TRERF1: variants seen among roughly 807,000 people sequenced by gnomAD.
The protein encoded by TRERF1 is transcriptional-regulating factor 1.
TRERF1 carries 27 observed loss-of-function variants against 122.9 expected under a neutral mutation model. The observed-to-expected ratio is 0.22, with a 90% CI of 0.16 to 0.30. TRERF1 has a LOEUF of 0.30. TRERF1 is among the 10% of genes least tolerant of loss of function. The probability of loss-of-function intolerance (pLI) is 1.00; values close to 1 mark genes in which losing one functional copy is unlikely to be tolerated. For missense variants in TRERF1, 1,248 were observed against 1,560.3 expected (o/e 0.80, Z 3.37); for synonymous variants, 636 against 641.7 (o/e 0.99, Z 0.13).
At chr6:42,225,710 TC>T (rs1769419178) in exon 18 of TRERF1, 2 of 152,216 alleles carry the variant, frequency 1.3e-5, no homozygotes, top group African/African-American at 4.8e-5. Flanking sequence ...AAAAATGTTT[TC>T]CTTTTTATTA....
chr6:42,334,887 C>T lies in TRERF1; in HGVS notation c.-371+28110G>A, dbSNP rs78691106. On this transcript the variant is annotated intron_variant, in intron 3 of 17. Transcript: ENST00000372922. ...ACAGGAATCAGCACTGGGGTTCCAG[C>T]CTGATGGTCCCTCCTGGCTCACTGA... Among the ~76,000 whole-genome samples the T allele has an allele frequency of 2.6e-5, 4 of 152,326 alleles. No individual in the cohort carries two copies. In the East Asian group the frequency reaches 7.7e-4, roughly 29 times the overall value.
intron 2 of TRERF1, among the ~76,000 whole-genome samples, chr6:42,401,400 T>C (rs1779371730): frequency 6.6e-6 from 1 of 152,198 alleles, no homozygotes. Flanking sequence ...GCTGTAGGCC[T>C]ACACCAGGTA....
intron 2 of TRERF1, among the ~76,000 whole-genome samples, chr6:42,411,877 T>C (rs1395412932): frequency 6.6e-6 from 1 of 152,126 alleles, no homozygotes; most frequent in African/African-American, 2.4e-5. Context: ...TGGCCTTTGG[T>C]TTTCTTATCT....
chr6:42,375,657 C>T (rs1774706359), intron 2 of TRERF1, among the ~76,000 whole-genome samples: 1 of 152,192 alleles, frequency 6.6e-6, no homozygotes. Context: ...GAAGGCTACA[C>T]ACTGACTGAC....
At chr6:42,294,402 G>A (rs1051038688) in intron 4 of TRERF1, among the ~76,000 whole-genome samples, 4 of 151,550 alleles carry the variant, frequency 2.6e-5, no homozygotes, top group African/African-American at 7.3e-5. Context: ...GGCTGGTCTC[G>A]AACTCCCGGT....
intron 2 of TRERF1, among the ~76,000 whole-genome samples, chr6:42,444,741 C>T (rs1787160917): frequency 6.6e-6 from 1 of 152,110 alleles, no homozygotes; most frequent in African/African-American, 2.4e-5. Flanking sequence ...TTCCCATCAG[C>T]ACACAAATTA....
chr6:42,353,552 C>G (rs1024414339), intron 3 of TRERF1, among the ~76,000 whole-genome samples: 1 of 151,938 alleles, frequency 6.6e-6, no homozygotes, highest in Non-Finnish European at 1.5e-5. Flanking sequence ...CGCGCCATTG[C>G]ACTCTAGCCT....
chr6:42,341,828 T>C (rs558646575), intron 3 of TRERF1, among the ~76,000 whole-genome samples: 2 of 152,344 alleles, frequency 1.3e-5, no homozygotes, highest in East Asian at 3.9e-4. Flanking sequence ...TCATGTTGGA[T>C]GTGATGGGGT....
At chr6:42,395,129 T>G (rs565099541) in intron 2 of TRERF1, among the ~76,000 whole-genome samples, 1 of 152,104 alleles carries the variant, frequency 6.6e-6, no homozygotes, top group South Asian at 2.1e-4. Flanking sequence ...TTGCAAAGAG[T>G]TGGTTCCGTG....
chr6:42,450,712 G>T (rs1225686198), intron 2 of TRERF1, among the ~76,000 whole-genome samples: 1 of 152,152 alleles, frequency 6.6e-6, no homozygotes, highest in Non-Finnish European at 1.5e-5. Context: ...TGAAGTTGGG[G>T]AGTGAAGGAA....
At position 42,268,705 on chromosome 6, in the gene TRERF1, G is replaced by T; in HGVS notation, c.886C>A (p.Arg296Ser). 6.2e-7 allele frequency: 1 copy of T among 1,614,170 alleles called. No individual in the cohort carries two copies. The highest frequency in any genetic ancestry group is 1.7e-5 in the Admixed American group (1 of 60,022). ...GGCGGCGGCTGTGGCTGTGATGGGCGAATTTGTTGCGGCTGCGTCTGTATT... is the reference window on the plus strand; with the variant it reads ...GGCGGCGGCTGTGGCTGTGATGGGCTAATTTGTTGCGGCTGCGTCTGTATT... The change falls in exon 5 of 18, where the codon CGC becomes AGC. Residue 296 changes from arginine to serine, a missense_variant. Physicochemically the swap from Arg to Ser is moderately radical, Grantham distance 110. Coordinates refer to ENST00000372922, the Ensembl canonical transcript of TRERF1. This position sits in a 1 kb window ranked among gnomAD's most constrained non-coding sequence, Gnocchi z 4.4.
rs370849374 is a variant in TRERF1, at chr6:42,265,868, G to A, written c.1438-71C>T. The stretch of plus-strand genomic sequence containing the variant: ...ACGTGTTCTGAAGGGAGAAGTCCTC[G>A]AGCAGTGGGAACACCAGGTACTCTT... On this transcript the variant is annotated intron_variant, in intron 5 of 17. Coordinates refer to ENST00000372922, the Ensembl canonical transcript of TRERF1. 20 of 1,506,468 alleles carry A rather than the reference G, an allele frequency of 1.3e-5. 1 individual carries two copies. The highest frequency in any genetic ancestry group is 1.8e-4 in the Middle Eastern group (1 of 5,592). The allele number at this position is 1,506,468 out of a possible 1,614,324, so 93.3% of individuals were successfully genotyped here.
At chr6:42,420,104 A>G (rs1262098408) in intron 2 of TRERF1, among the ~76,000 whole-genome samples, 1 of 152,118 alleles carries the variant, frequency 6.6e-6, no homozygotes, top group African/African-American at 2.4e-5. Flanking sequence ...GATTTAACCT[A>G]CCTAGGAGCT....
chr6:42,302,318 A>G (rs980637564), intron 3 of TRERF1, among the ~76,000 whole-genome samples: 3 of 152,290 alleles, frequency 2.0e-5, no homozygotes, highest in Non-Finnish European at 4.4e-5. Context: ...CTATTTCCTT[A>G]ATACTTGAGG....
intron 5 of TRERF1, among the ~76,000 whole-genome samples, 183 bp downstream of exon 5, chr6:42,267,971 G>A (rs1582693736): frequency 6.6e-6 from 1 of 152,244 alleles, no homozygotes; most frequent in Non-Finnish European, 1.5e-5. Flanking sequence ...GGACTTAATA[G>A]AGATTGATTT....
intron 2 of TRERF1, among the ~76,000 whole-genome samples, chr6:42,394,419 T>C (rs1287516542): frequency 6.6e-6 from 1 of 152,218 alleles, no homozygotes; most frequent in Non-Finnish European, 1.5e-5. Context: ...GCACCCTCCA[T>C]GTGCTGTGCA....
chr6:42,263,526 G>C lies in TRERF1; in HGVS notation c.1678C>G (p.Leu560Val), dbSNP rs561414462. 1 of 1,565,486 alleles carries C rather than the reference G, an allele frequency of 6.4e-7. No homozygotes were observed. Residue 560 changes from leucine (L) to valine (V), a missense_variant, in exon 8 of 18, where the codon CTG (leucine) becomes GTG (valine). Physicochemically the swap from Leu to Val is conservative, Grantham distance 32 (BLOSUM62 1). Transcript: ENST00000372922. The surrounding 1 kb of genome is among the most constrained non-coding windows in gnomAD (Gnocchi z 5.6). ...GGCGGAGGCGGAGGCGGAGGCGGCA[G>C]TGGTGGCTGGGGCTGAGGCGGCAGG...
At position 42,286,395 on chromosome 6, in the gene TRERF1, G is replaced by A. The variant is rs1008070540; in HGVS notation, c.-259+14243C>T. On this transcript the variant is annotated intron_variant, in intron 4 of 17. Coordinates refer to ENST00000372922, the Ensembl canonical transcript of TRERF1. Reference sequence around the variant, plus strand: ...GAAAATTCTTGCAACCTACTCATCTGACAAAGGGCTAATATCCAGAATCTA... The same window carrying A: ...GAAAATTCTTGCAACCTACTCATCTAACAAAGGGCTAATATCCAGAATCTA... Among the ~76,000 whole-genome samples the A allele has an allele frequency of 1.3e-4, 18 of 140,682 alleles. 1 individual carries two copies. The highest frequency in any genetic ancestry group is 4.1e-4 in the African/African-American group (15 of 37,018). 92.3% of individuals were successfully genotyped at this position (140,682 alleles called of 152,430 possible). A position where few individuals can be genotyped will look rare whatever the true frequency, so the allele number is the denominator to read the frequency against.
rs370914971 is a variant in TRERF1, at chr6:42,252,529, T to C, written c.2656+2322A>G. On this transcript the variant is annotated intron_variant, in intron 13 of 17. Coordinates refer to ENST00000372922, the Ensembl canonical transcript of TRERF1. ...CAGGAGCCAAAGGAGATCCAGAAGA[T>C]AGGGTCCCAGCAAGGTGGCAATTAA... Among the ~76,000 whole-genome samples, 4 of 152,090 alleles carry C rather than the reference T, an allele frequency of 2.6e-5. No individual in the cohort carries two copies. The East Asian group carries it at 5.8e-4, about 22-fold the overall frequency.
Sources: gnomAD v4.1 joint callset for allele counts (sites outside exome capture counted in the v4.1 genomes callset) on GRCh38, gnomAD v4.1.1 for gene constraint, Gnocchi (gnomAD v3.1) non-coding constraint, MANE v1.5 for transcripts, NCBI Gene and HGNC (gene_info 2026-07-23, HGNC 2026-07-21) for gene names.